The following NXPE2 variants were observed in gnomAD, a reference collection of about 807,000 sequenced individuals.
NXPE2 encodes the protein NXPE family member 2.
NXPE2 carries 34 observed loss-of-function variants against 34.4 expected under a neutral mutation model. The ratio of observed to expected loss-of-function variants is 0.99; its 90% confidence interval spans 0.75 to 1.31. The LOEUF (loss-of-function observed/expected upper bound fraction) is 1.31. Among genes scored for constraint, NXPE2 ranks in the 40% most tolerant of loss-of-function variants. The probability of loss-of-function intolerance (pLI) is 0.00; values close to 1 mark genes in which losing one functional copy is unlikely to be tolerated. For synonymous variants in NXPE2, 235 were observed against 231.3 expected (o/e 1.02, Z -0.15); for missense variants, 649 against 672.5 (o/e 0.97, Z 0.39).
the NXPE2 span, among the ~76,000 whole-genome samples, chr11:114,759,352 G>C: frequency 4.6e-5 from 7 of 152,124 alleles, no homozygotes. Flanking sequence ...TCATGTCTCT[G>C]TACCTCAGTC....
chr11:114,579,388 A>G, the NXPE2 span, among the ~76,000 whole-genome samples: 90 of 152,308 alleles, frequency 5.9e-4, no homozygotes, highest in African/African-American at 2.1e-3. Context: ...GTCAAACTAT[A>G]TCACTATTAT....
chr11:114,773,279 A>ACCCCCCCCCCCCCC, the NXPE2 span, among the ~76,000 whole-genome samples: 8 of 69,358 alleles, frequency 1.2e-4, no homozygotes, highest in African/African-American at 1.7e-4. Context: ...ACCCACTCCC[A>ACCCCCCCCCCCCCC]CCCCCCCCCC....
chr11:114,502,460 G>T, the NXPE2 span, among the ~76,000 whole-genome samples: 1 of 151,832 alleles, frequency 6.6e-6, no homozygotes, highest in South Asian at 2.1e-4. Context: ...CTTCATCTTT[G>T]TCTAATGTGC....
chr11:114,673,411 T>G, the NXPE2 span, among the ~76,000 whole-genome samples: 1 of 151,482 alleles, frequency 6.6e-6, no homozygotes, highest in Non-Finnish European at 1.5e-5. Context: ...ACTTTTCACC[T>G]AAGGACACTG....
At chr11:114,650,843 A>T in the NXPE2 span, among the ~76,000 whole-genome samples, 1 of 113,318 alleles carries the variant, frequency 8.8e-6, no homozygotes, top group Non-Finnish European at 2.2e-5. Flanking sequence ...CGGAAAACAG[A>T]GTCTCACTGC....
the NXPE2 span, among the ~76,000 whole-genome samples, chr11:114,605,664 A>C: frequency 2.7e-5 from 4 of 147,930 alleles, no homozygotes; most frequent in African/African-American, 1.0e-4. Flanking sequence ...TGGATAATAC[A>C]TGTTGCCTCA....
At chr11:114,710,830 A>T (rs1230481834), downstream of NXPE2, among the ~76,000 whole-genome samples, 1 of 152,286 alleles carries the variant, frequency 6.6e-6, no homozygotes, top group Admixed American at 6.5e-5. Context: ...ATAGATGCAA[A>T]AACCCTAAAA....
the NXPE2 span, among the ~76,000 whole-genome samples, chr11:114,469,355 C>A: frequency 2.0e-5 from 3 of 151,482 alleles, no homozygotes; most frequent in South Asian, 4.2e-4. Flanking sequence ...CCTTGCGATC[C>A]GCCTGCCTCA....
the NXPE2 span, among the ~76,000 whole-genome samples, chr11:114,756,043 A>T: frequency 1.3e-5 from 2 of 152,244 alleles, no homozygotes; most frequent in African/African-American, 2.4e-5. Context: ...AGTACATCAG[A>T]GACAGGTCCC....
chr11:114,530,129 C>T, the NXPE2 span: 1 of 1,533,918 alleles, frequency 6.5e-7, no homozygotes, highest in Non-Finnish European at 8.8e-7. Context: ...CTGACTGGGG[C>T]ACTTCTCAGG....
At chr11:114,670,567 C>T in the NXPE2 span, among the ~76,000 whole-genome samples, 1 of 151,952 alleles carries the variant, frequency 6.6e-6, no homozygotes, top group African/African-American at 2.4e-5. Flanking sequence ...TGGTGCACAC[C>T]TGTGGTCCTA....
Position 114,698,256 on chromosome 11 carries a change from C to G in NXPE2, c.344C>G (p.Thr115Ser). ...ACCAGTGCCACACACAGCACAGCCA[C>G]CATCCTCAACCCTCAAGATACGTAC... is the stretch of plus-strand genomic sequence containing the variant. ...TTTSATHSTA[T>S]ILNPQDTYCR... The change falls in exon 3 of 6, where the codon ACC (threonine) becomes AGC (serine). Residue 115 changes from threonine (T) to serine (S), a missense_variant. Transcript: ENST00000389586. The G allele has an allele frequency of 6.2e-7, 1 of 1,613,534 alleles. No homozygotes were observed. The highest frequency in any genetic ancestry group is 1.3e-5 in the African/African-American group (1 of 75,048).
chr11:114,778,712 A>T, the NXPE2 span, among the ~76,000 whole-genome samples: 4 of 152,196 alleles, frequency 2.6e-5, no homozygotes, highest in Admixed American at 2.0e-4. Context: ...CCCTGGAGGA[A>T]GGAGCATGTC....
the NXPE2 span, among the ~76,000 whole-genome samples, chr11:114,785,115 C>A: frequency 6.6e-6 from 1 of 152,058 alleles, no homozygotes; most frequent in Non-Finnish European, 1.5e-5. Context: ...CTGACACTCT[C>A]CCAGACAAAG....
At chr11:114,612,197 A>G in the NXPE2 span, among the ~76,000 whole-genome samples, 10 of 151,958 alleles carry the variant, frequency 6.6e-5, no homozygotes, top group Admixed American at 4.6e-4. Context: ...AACCACTGTT[A>G]CACGGTGGAG....
chr11:114,486,180 G>A, the NXPE2 span, among the ~76,000 whole-genome samples: 200 of 152,236 alleles, frequency 1.3e-3, 1 homozygote, highest in Admixed American at 2.2e-3. Context: ...TTGGATAAAA[G>A]CCATTTTATT....
At chr11:114,633,535 C>T in the NXPE2 span, among the ~76,000 whole-genome samples, 1 of 151,146 alleles carries the variant, frequency 6.6e-6, no homozygotes, top group African/African-American at 2.4e-5. Flanking sequence ...TCCATATATA[C>T]ATGTGCCATG....
chr11:114,644,265 T>C, the NXPE2 span, among the ~76,000 whole-genome samples: 4 of 152,238 alleles, frequency 2.6e-5, no homozygotes, highest in African/African-American at 9.6e-5. Flanking sequence ...TTGCCTGATT[T>C]CCCTGGCCAG....
At chr11:114,630,308 C>T in the NXPE2 span, among the ~76,000 whole-genome samples, 1 of 151,894 alleles carries the variant, frequency 6.6e-6, no homozygotes, top group Admixed American at 6.6e-5. Context: ...CAGCATGGTA[C>T]TGGTACCAAA....
Sources: gnomAD v4.1 joint callset for allele counts (sites outside exome capture counted in the v4.1 genomes callset) on GRCh38, gnomAD v4.1.1 for gene constraint, MANE v1.5 for transcripts, NCBI Gene and HGNC (gene_info 2026-07-23, HGNC 2026-07-21) for gene names.